RASSF2: variants seen among roughly 807,000 people sequenced by gnomAD.
The protein encoded by RASSF2 is ras association domain-containing protein 2.
In RASSF2, 34 loss-of-function variants were observed where a neutral mutation model predicts 46.3. The observed-to-expected ratio is 0.73, with a 90% CI of 0.56 to 0.98. RASSF2 has a LOEUF of 0.98. Among genes scored for constraint, RASSF2 ranks in the 50% least tolerant of loss-of-function variants. The probability of loss-of-function intolerance (pLI) is 0.00; values close to 1 mark genes in which losing one functional copy is unlikely to be tolerated. For synonymous variants in RASSF2, 158 were observed against 162.5 expected, an observed-to-expected ratio of 0.97 and a Z score of 0.21; for missense variants, 364 against 431.2, an observed-to-expected ratio of 0.84 and a Z score of 1.38.
At chr20:4,798,378 C>T (rs888109041) in intron 3 of RASSF2, among the ~76,000 whole-genome samples, 8 of 152,188 alleles carry the variant, frequency 5.3e-5, no homozygotes, top group Middle Eastern at 3.2e-3. Flanking sequence ...TACTCCCAAA[C>T]TCAAGCTGAA....
At chr20:4,817,174 A>T (rs1346163076) in intron 2 of RASSF2, among the ~76,000 whole-genome samples, 2 of 152,178 alleles carry the variant, frequency 1.3e-5, no homozygotes, top group Non-Finnish European at 2.9e-5. Flanking sequence ...TTTTGTAGCC[A>T]CTTGGTATTC....
intron 2 of RASSF2, among the ~76,000 whole-genome samples, chr20:4,806,237 G>C (rs1385811150): frequency 4.6e-5 from 7 of 152,178 alleles, no homozygotes; most frequent in African/African-American, 1.4e-4. Flanking sequence ...CAGAGCCCAA[G>C]GAAGGGGAAC....
chr20:4,795,828 G>T lies in RASSF2; in HGVS notation c.274C>A (p.Leu92Met), dbSNP rs768752898. ...SSSSWHSGCN[L>M]GAQGTTLKPL... is the part of the protein sequence containing the mutation. ...CTCCTCACTCACCCCTGAGCCCCCA[G>T]GTTACAGCCAGAGTGCCAGGAGGAG... Residue 92 changes from leucine to methionine, a missense_variant, in exon 5 of 12, where the codon CTG (leucine) becomes ATG (methionine). Leu to Met is a conservative substitution (Grantham distance 15, BLOSUM62 2). Transcript: ENST00000379400. This position sits in a 1 kb window ranked among gnomAD's most constrained non-coding sequence, Gnocchi z 4.0. 4.3e-6 allele frequency: 7 copies of T among 1,610,486 alleles called. No individual in the cohort carries two copies. In the Admixed American group the frequency reaches 1.2e-4, roughly 27 times the overall value.
chr20:4,807,160 A>T (rs1177567099), intron 2 of RASSF2, among the ~76,000 whole-genome samples: 3 of 152,190 alleles, frequency 2.0e-5, no homozygotes, highest in Admixed American at 6.5e-5. Flanking sequence ...TTAATTTTTT[A>T]AAATATCACT....
intron 2 of RASSF2, among the ~76,000 whole-genome samples, chr20:4,805,622 G>C (rs1347838355): frequency 6.6e-6 from 1 of 152,166 alleles, no homozygotes; most frequent in African/African-American, 2.4e-5. Flanking sequence ...GATGTGATCT[G>C]ATGTACATTT....
rs1925820738 is a variant in RASSF2, at chr20:4,790,923, C to G, written c.377-312G>C. On this transcript the variant is annotated intron_variant, in intron 6 of 11. Transcript: ENST00000379400. This position sits in a 1 kb window ranked among gnomAD's most constrained non-coding sequence, Gnocchi z 4.3. ...ATAGGGATAATAATAACACCCACCT[C>G]AGAGGGTTGCTGAGGGTTTAAATGA... 6.6e-6 allele frequency among the ~76,000 whole-genome samples: 1 copy of G among 152,124 alleles called. No homozygotes were observed. Among genetic ancestry groups the G allele is most frequent in the Non-Finnish European group, 1.5e-5 (1 of 68,022 alleles).
At chr20:4,808,463 G>A (rs1294848533) in intron 2 of RASSF2, among the ~76,000 whole-genome samples, 1 of 148,738 alleles carries the variant, frequency 6.7e-6, no homozygotes, top group Non-Finnish European at 1.5e-5. Context: ...GGACAAGAAA[G>A]AAAGGGCAAA....
chr20:4,789,582 C>A lies in RASSF2; in HGVS notation c.639+14G>T, dbSNP rs1164310223. 6.2e-7 allele frequency: 1 copy of A among 1,611,394 alleles called. No homozygotes were observed. The highest frequency in any genetic ancestry group is 1.3e-5 in the African/African-American group (1 of 74,866). Reference sequence around the variant, plus strand: ...TGTGACCCCATCTGTGGCCACTCAGCAAAGGGAACTTGCCTTAAATTTGTT... The same window carrying A: ...TGTGACCCCATCTGTGGCCACTCAGAAAAGGGAACTTGCCTTAAATTTGTT... On this transcript the variant is annotated intron_variant, in intron 8 of 11. Transcript: ENST00000379400.
intron 1 of RASSF2, among the ~76,000 whole-genome samples, chr20:4,822,799 G>A (rs2246728): frequency 0.54 from 82,134 of 151,966 alleles, 23,130 homozygotes; most frequent in East Asian, 0.83. Context: ...TCCCCGCGCC[G>A]GGGACTGGGA....
chr20:4,784,485 C>T (rs1925118358), intron 11 of RASSF2, 143 bp from the exon 12 acceptor site: 1 of 651,896 alleles, frequency 1.5e-6, no homozygotes, highest in East Asian at 2.7e-5. Context: ...CATTACTGAC[C>T]CCTCTTTAGC....
In RASSF2 at chr20:4,782,735, C is replaced by A. The variant is rs1332836376; in HGVS notation, c.*1538G>T. On this transcript the variant is annotated 3_prime_UTR_variant, in exon 12 of 12. Coordinates refer to ENST00000379400, the MANE Select transcript of RASSF2 (RefSeq NM_014737.3). ...TTGGAGGCACCAACCAGGGGCTGTCCTTTCCTCAACTGCCCAGCTCTGCAA... is the reference window on the plus strand; with the variant it reads ...TTGGAGGCACCAACCAGGGGCTGTCATTTCCTCAACTGCCCAGCTCTGCAA... 4 of 152,288 alleles carry A rather than the reference C, an allele frequency of 2.6e-5. No homozygotes were observed. Among genetic ancestry groups the A allele is most frequent in the Non-Finnish European group, 5.9e-5 (4 of 68,096 alleles). 9.4% of individuals were successfully genotyped at this position (152,288 alleles called of 1,614,324 possible). A position where few individuals can be genotyped will look rare whatever the true frequency, so the allele number is the denominator to read the frequency against.
At chr20:4,800,679 T>TC (rs1926784378) in intron 3 of RASSF2, among the ~76,000 whole-genome samples, 1 of 152,072 alleles carries the variant, frequency 6.6e-6, no homozygotes, top group Non-Finnish European at 1.5e-5. Context: ...AGCCAACTCC[T>TC]CCTCCTGGAA....
At chr20:4,799,586 CT>C (rs1334351886) in intron 3 of RASSF2, among the ~76,000 whole-genome samples, 1 of 152,184 alleles carries the variant, frequency 6.6e-6, no homozygotes, top group Non-Finnish European at 1.5e-5. Flanking sequence ...TCTATGCAAG[CT>C]GAAATAAATT....
chr20:4,821,786 C>T (rs1928705615), intron 2 of RASSF2, among the ~76,000 whole-genome samples: 1 of 152,212 alleles, frequency 6.6e-6, no homozygotes, highest in Non-Finnish European at 1.5e-5. Flanking sequence ...TCTCCAAGCT[C>T]AGCCATCATT....
chr20:4,787,421 G>T (rs1196113392), intron 10 of RASSF2, among the ~76,000 whole-genome samples: 5 of 152,156 alleles, frequency 3.3e-5, no homozygotes, highest in Non-Finnish European at 7.3e-5. Context: ...ACAGAATCAT[G>T]GGCAAAAAAG....
chr20:4,804,286 GA>G (rs1171898903), intron 2 of RASSF2, among the ~76,000 whole-genome samples: 1 of 148,164 alleles, frequency 6.7e-6, no homozygotes, highest in African/African-American at 2.5e-5. Flanking sequence ...ATCTGATCAT[GA>G]AAACCGGAGT....
rs961432320 is a variant in RASSF2 at position 4,782,130 on chromosome 20, C to T, written c.*2143G>A. On this transcript the variant is annotated 3_prime_UTR_variant, in exon 12 of 12. Transcript: ENST00000379400. ...TCGCTCCCTTGGAAAGTGATCTGGC[C>T]AACTGGACATGTTGCAGTATTTCCC... 17 of 152,192 alleles carry T rather than the reference C, an allele frequency of 1.1e-4. No homozygotes were observed. The highest frequency in any genetic ancestry group is 4.1e-4 in the African/African-American group (17 of 41,438). The allele number at this position is 152,192 out of a possible 1,614,324, so 9.4% of individuals were successfully genotyped here.
intron 2 of RASSF2, among the ~76,000 whole-genome samples, chr20:4,807,885 T>C (rs1927466306): frequency 6.6e-6 from 1 of 152,256 alleles, no homozygotes; most frequent in East Asian, 1.9e-4. Flanking sequence ...TCTGGGCATC[T>C]GCACCTTTCT....
intron 11 of RASSF2, among the ~76,000 whole-genome samples, chr20:4,785,824 TTCAAACACCCG>T (rs1376802687): frequency 6.6e-6 from 1 of 152,156 alleles, no homozygotes; most frequent in Non-Finnish European, 1.5e-5. Context: ...TAGTCCCTTC[TTCAAACACCCG>T]TCAAAGACCC....
Sources: allele counts gnomAD v4.1 joint callset (sites outside exome capture counted in the v4.1 genomes callset), GRCh38; gene constraint gnomAD v4.1.1; non-coding constraint Gnocchi (gnomAD v3.1); transcripts MANE v1.5; gene names NCBI Gene and HGNC (gene_info 2026-07-23, HGNC 2026-07-21).